Variants in RBFOX1 observed in about 807,000 individuals in gnomAD.
RBFOX1 encodes the protein RNA binding protein fox-1 homolog 1.
RBFOX1 carries 8 observed loss-of-function variants against 57.7 expected under a neutral mutation model. The observed-to-expected ratio is 0.14, with a 90% CI of 0.08 to 0.25. RBFOX1 has a LOEUF of 0.25. Among genes scored for constraint, RBFOX1 ranks in the 10% least tolerant of loss-of-function variants. The probability of loss-of-function intolerance (pLI) is 1.00; values close to 1 mark genes in which losing one functional copy is unlikely to be tolerated. For synonymous variants in RBFOX1, 326 were observed against 222.4 expected, an observed-to-expected ratio of 1.47 and a Z score of -4.15; for missense variants, 611 against 548.5, an observed-to-expected ratio of 1.11 and a Z score of -1.14.
intron 3 of RBFOX1, among the ~76,000 whole-genome samples, chr16:6,681,581 T>G (rs2058658136): frequency 6.6e-6 from 1 of 151,860 alleles, no homozygotes; most frequent in Non-Finnish European, 1.5e-5. Flanking sequence ...AATTTGTTGT[T>G]AATTTGGCCC....
At chr16:7,063,364 A>G (rs1180673762) in intron 4 of RBFOX1, among the ~76,000 whole-genome samples, 1 of 152,130 alleles carries the variant, frequency 6.6e-6, no homozygotes, top group South Asian at 2.1e-4. Context: ...AAGATATATC[A>G]GTATCAGAGG....
chr16:7,100,264 T>A (rs1004333756), intron 4 of RBFOX1, among the ~76,000 whole-genome samples: 1 of 152,132 alleles, frequency 6.6e-6, no homozygotes, highest in Non-Finnish European at 1.5e-5. Flanking sequence ...AATAAAATGC[T>A]CATGAAAATT....
chr16:5,505,807 G>C (rs2043358497), intron 2 of RBFOX1, among the ~76,000 whole-genome samples: 1 of 152,134 alleles, frequency 6.6e-6, no homozygotes, highest in African/African-American at 2.4e-5. Context: ...CCTGGCAGCT[G>C]TCTGGTACCT....
chr16:6,767,941 T>TAAG (rs1306795041), intron 3 of RBFOX1, among the ~76,000 whole-genome samples: 1,145 of 84,924 alleles, frequency 0.013, 5 homozygotes, highest in Middle Eastern at 0.016. Context: ...ATAATAATAA[T>TAAG]AATAATAAGA....
intron 1 of RBFOX1, among the ~76,000 whole-genome samples, chr16:6,217,105 G>A (rs539333851): frequency 4.3e-4 from 65 of 150,504 alleles, no homozygotes; most frequent in African/African-American, 1.4e-3. Flanking sequence ...GGCTAAAAAC[G>A]TCTCTTTGCT....
At chr16:5,295,305 G>T (rs1393658717) in intron 1 of RBFOX1, among the ~76,000 whole-genome samples, 1 of 152,226 alleles carries the variant, frequency 6.6e-6, no homozygotes, top group African/African-American at 2.4e-5. Context: ...ATTTCCCTCA[G>T]TAATGTACAT....
At chr16:6,812,029 C>G (rs1025971519) in intron 3 of RBFOX1, among the ~76,000 whole-genome samples, 2 of 152,152 alleles carry the variant, frequency 1.3e-5, no homozygotes, top group Non-Finnish European at 2.9e-5. Context: ...ATAAATAGTG[C>G]AGTACAAGAG....
chr16:6,643,348 A>G lies in RBFOX1; in HGVS notation c.-63-11255A>G, dbSNP rs866220350. On this transcript the variant is annotated intron_variant, in intron 2 of 15. Transcript: ENST00000550418. Reference sequence around the variant, plus strand: ...GAAAAGGAAGTGAATAAAATCTATCACTGCAAACATTTTATACTATTCTTC... The same window carrying G: ...GAAAAGGAAGTGAATAAAATCTATCGCTGCAAACATTTTATACTATTCTTC... Among the ~76,000 whole-genome samples, 4 of 152,266 alleles carry G rather than the reference A, an allele frequency of 2.6e-5. No homozygotes were observed. In the South Asian group the frequency reaches 8.3e-4, roughly 32 times the overall value.
intron 4 of RBFOX1, among the ~76,000 whole-genome samples, chr16:7,059,218 T>C (rs2153744289): frequency 6.6e-6 from 1 of 152,306 alleles, no homozygotes; most frequent in South Asian, 2.1e-4. Flanking sequence ...CTCTCCACTT[T>C]TTAAAGCCCA....
intron 4 of RBFOX1, among the ~76,000 whole-genome samples, chr16:7,369,619 G>A (rs1000316176): frequency 1.2e-4 from 19 of 152,092 alleles, no homozygotes; most frequent in African/African-American, 4.3e-4. Context: ...ACTTTTGTCT[G>A]GAGTCAATTG....
intron 3 of RBFOX1, among the ~76,000 whole-genome samples, chr16:5,848,977 C>A (rs1309640922): frequency 5.1e-4 from 77 of 149,836 alleles, no homozygotes; most frequent in Middle Eastern, 3.4e-3. Context: ...AAAACAACAA[C>A]AAAAAAAAAC....
At chr16:6,753,396 T>G (rs1202053997) in intron 3 of RBFOX1, among the ~76,000 whole-genome samples, 4 of 152,188 alleles carry the variant, frequency 2.6e-5, no homozygotes, top group Non-Finnish European at 5.9e-5. Flanking sequence ...TAGACTGAGA[T>G]AAAAATTGTG....
chr16:6,460,139 A>T (rs1402428839), intron 2 of RBFOX1, among the ~76,000 whole-genome samples: 1 of 151,070 alleles, frequency 6.6e-6, no homozygotes, highest in Non-Finnish European at 1.5e-5. Context: ...TAAGTAACAG[A>T]AGTTTATTTT....
At chr16:6,546,922 C>T (rs1195441593) in intron 2 of RBFOX1, among the ~76,000 whole-genome samples, 1 of 152,104 alleles carries the variant, frequency 6.6e-6, no homozygotes, top group African/African-American at 2.4e-5. Flanking sequence ...GTTTTCAAAC[C>T]CTTAAATCAA....
At chr16:6,568,750 T>G (rs1317760129) in intron 2 of RBFOX1, among the ~76,000 whole-genome samples, 1 of 152,150 alleles carries the variant, frequency 6.6e-6, no homozygotes, top group Non-Finnish European at 1.5e-5. Context: ...AAAGTTTGAT[T>G]ACCAGTGTGC....
At position 5,794,235 on chromosome 16, in the gene RBFOX1, G is replaced by C. The variant is rs1022902627; in HGVS notation, c.319-73068G>C. ...AACGTACAGAAAACACTTACAAAAT[G>C]GTCCTTCTTCCCCTTTCTTTTTCCT... On this transcript the variant is annotated intron_variant, in intron 3 of 19. Coordinates refer to the RBFOX1 transcript ENST00000641259. Among the ~76,000 whole-genome samples the C allele has an allele frequency of 6.6e-5, 10 of 152,204 alleles. No homozygotes were observed. In the South Asian group the frequency reaches 1.0e-3, roughly 16 times the overall value.
At chr16:7,351,727 A>G (rs547928659) in intron 4 of RBFOX1, among the ~76,000 whole-genome samples, 1 of 152,196 alleles carries the variant, frequency 6.6e-6, no homozygotes, top group South Asian at 2.1e-4. Context: ...CTAAATACCC[A>G]TGTCCACAGG....
chr16:6,402,658 A>G (rs533626517), intron 2 of RBFOX1, among the ~76,000 whole-genome samples: 26 of 152,320 alleles, frequency 1.7e-4, no homozygotes, highest in Admixed American at 2.6e-4. Context: ...ATGTAAACAC[A>G]TACACACACA....
chr16:6,942,626 C>T (rs758273474), intron 3 of RBFOX1, among the ~76,000 whole-genome samples: 12 of 152,074 alleles, frequency 7.9e-5, no homozygotes, highest in East Asian at 3.9e-4. Context: ...GTGCAGGAGA[C>T]GGTGCTAGGC....
Sources: gnomAD v4.1 joint callset for allele counts (sites outside exome capture counted in the v4.1 genomes callset) on GRCh38, gnomAD v4.1.1 for gene constraint, MANE v1.5 for transcripts, NCBI Gene and HGNC (gene_info 2026-07-23, HGNC 2026-07-21) for gene names.